Variants in BICC1 observed in about 807,000 individuals in gnomAD.
The protein encoded by BICC1 is BicC family RNA binding protein 1.
In BICC1, 43 loss-of-function variants were observed where a neutral mutation model predicts 111.0. The observed-to-expected ratio is 0.39, with a 90% CI of 0.30 to 0.50. The LOEUF is 0.50. Among genes scored for constraint, BICC1 ranks in the 20% least tolerant of loss-of-function variants. The probability of loss-of-function intolerance (pLI) is 0.88; values close to 1 mark genes in which losing one functional copy is unlikely to be tolerated. For missense variants in BICC1, 1,091 were observed against 1,203.2 expected (o/e 0.91, Z 1.38); for synonymous variants, 467 against 434.4 (o/e 1.07, Z -0.93).
intron 20 of BICC1, among the ~76,000 whole-genome samples, chr10:58,826,384 C>T (rs1053165071): frequency 6.6e-6 from 1 of 152,084 alleles, no homozygotes; most frequent in East Asian, 1.9e-4. Flanking sequence ...AGACTATACA[C>T]CTGAACAGGT....
intron 2 of BICC1, among the ~76,000 whole-genome samples, chr10:58,647,286 C>G (rs1200398174): frequency 2.6e-5 from 4 of 152,092 alleles, no homozygotes; most frequent in Non-Finnish European, 4.4e-5. Context: ...CCTATAGTAA[C>G]TATTGAAAAC....
intron 3 of BICC1, among the ~76,000 whole-genome samples, chr10:58,768,692 C>CA (rs77007848): frequency 1.3e-5 from 2 of 151,118 alleles, no homozygotes; most frequent in African/African-American, 2.4e-5. Context: ...ATCATAACAT[C>CA]AAAAAAAATG....
At chr10:58,561,962 G>A (rs751075872) in intron 1 of BICC1, among the ~76,000 whole-genome samples, 8 of 152,006 alleles carry the variant, frequency 5.3e-5, no homozygotes, top group Non-Finnish European at 1.2e-4. Context: ...CTTTTTGCTG[G>A]TAGCATTTCT....
chr10:58,760,704 C>T (rs1333065819), intron 3 of BICC1, among the ~76,000 whole-genome samples: 1 of 151,984 alleles, frequency 6.6e-6, no homozygotes, highest in African/African-American at 2.4e-5. Context: ...GATGTCATAA[C>T]CATTCAAAGG....
rs56310772 is a variant in BICC1 at position 58,816,745 on chromosome 10, CTGTGTGTGTGTG to C, written c.2534-778_2534-767del. ...CTGCACTCTGCTGAAATCTCCAAGG[CTGTGTGTGTGTG>C]TGTGTGTGTGTGTGTGTGTGTGTGT... On this transcript the variant is annotated intron_variant, in intron 18 of 20. Coordinates refer to ENST00000373886, the MANE Select transcript of BICC1 (RefSeq NM_001080512.3). Among the ~76,000 whole-genome samples the C allele has an allele frequency of 2.2e-3, 269 of 122,162 alleles. 1 individual carries two copies. The highest frequency in any genetic ancestry group is 6.0e-3 in the African/African-American group (192 of 31,846). The allele number at this position is 122,162 out of a possible 152,430, so 80.1% of individuals were successfully genotyped here.
At chr10:58,623,572 G>A (rs1295718668) in intron 2 of BICC1, among the ~76,000 whole-genome samples, 4 of 152,144 alleles carry the variant, frequency 2.6e-5, no homozygotes, top group Non-Finnish European at 4.4e-5. Context: ...AGAGTCATTC[G>A]TTGTCCTCTT....
Position 58,786,865 on chromosome 10 carries a change from T to C in BICC1, c.388-58T>C, listed in dbSNP as rs921169336. ...ACCATTCCCTTGAGGGAAAGACATT[T>C]AGGAGGTCATTCTTTCCTTTTGCAT... On this transcript the variant is annotated intron_variant, in intron 4 of 20. Coordinates refer to ENST00000373886, the MANE Select transcript of BICC1 (RefSeq NM_001080512.3). The C allele has an allele frequency of 7.5e-6, 10 of 1,327,712 alleles. No individual in the cohort carries two copies. The African/African-American group carries it at 7.6e-5, about 10-fold the overall frequency. 82.2% of individuals were successfully genotyped at this position (1,327,712 alleles called of 1,614,324 possible). A position where few individuals can be genotyped will look rare whatever the true frequency, so the allele number is the denominator to read the frequency against.
intron 20 of BICC1, among the ~76,000 whole-genome samples, chr10:58,822,914 T>C (rs1844294407): frequency 2.0e-5 from 3 of 152,154 alleles, no homozygotes; most frequent in Admixed American, 2.0e-4. Context: ...TTTTGTAGAT[T>C]TTAAACTTAT....
intron 1 of BICC1, among the ~76,000 whole-genome samples, chr10:58,531,909 A>G (rs1380578024): frequency 2.6e-5 from 4 of 151,874 alleles, no homozygotes; most frequent in Admixed American, 6.6e-5. Context: ...GGAAAAATGA[A>G]GAAAGCCTAA....
intron 1 of BICC1, among the ~76,000 whole-genome samples, chr10:58,540,447 G>GC (rs1209997016): frequency 6.6e-6 from 1 of 151,862 alleles, no homozygotes; most frequent in Non-Finnish European, 1.5e-5. Flanking sequence ...TACAACTGAT[G>GC]CCACAGAAAT....
intron 18 of BICC1, among the ~76,000 whole-genome samples, 192 bp from the exon 19 acceptor site, chr10:58,817,370 C>T (rs751971513): frequency 7.9e-5 from 12 of 152,122 alleles, no homozygotes; most frequent in Admixed American, 3.3e-4. Flanking sequence ...TCAAGAGCCT[C>T]CCTGAAAGCA....
At chr10:58,760,229 CAA>C (rs1025848952) in intron 3 of BICC1, among the ~76,000 whole-genome samples, 1 of 152,134 alleles carries the variant, frequency 6.6e-6, no homozygotes, top group Non-Finnish European at 1.5e-5. Context: ...CTTATTCCAT[CAA>C]GTGTGTTAAA....
chr10:58,690,579 C>G (rs1839880868), intron 2 of BICC1, among the ~76,000 whole-genome samples: 1 of 152,204 alleles, frequency 6.6e-6, no homozygotes, highest in Non-Finnish European at 1.5e-5. Context: ...TACATACCTC[C>G]TTTCAATATT....
chr10:58,537,271 A>G (rs753333406), intron 1 of BICC1, among the ~76,000 whole-genome samples: 1 of 151,768 alleles, frequency 6.6e-6, no homozygotes, highest in Non-Finnish European at 1.5e-5. Flanking sequence ...AAAATAAGAA[A>G]ACTACAGACC....
intron 2 of BICC1, among the ~76,000 whole-genome samples, chr10:58,630,426 TTTTTG>T (rs1480210221): frequency 6.6e-6 from 1 of 151,990 alleles, no homozygotes; most frequent in Non-Finnish European, 1.5e-5. Context: ...TCTTTTCCTG[TTTTTG>T]TTTTGTTTTG....
chr10:58,788,793 A>C (rs2132807853), intron 6 of BICC1, among the ~76,000 whole-genome samples: 1 of 152,346 alleles, frequency 6.6e-6, no homozygotes, highest in East Asian at 1.9e-4. Flanking sequence ...CATCATTTAA[A>C]AACACTTGTA....
At chr10:58,638,371 G>A (rs1399028152) in intron 2 of BICC1, among the ~76,000 whole-genome samples, 4 of 152,114 alleles carry the variant, frequency 2.6e-5, no homozygotes, top group Non-Finnish European at 5.9e-5. Context: ...TAGGAAATGT[G>A]GGGATAAGTG....
intron 1 of BICC1, among the ~76,000 whole-genome samples, chr10:58,620,440 A>G (rs1026469207): frequency 3.3e-5 from 5 of 152,210 alleles, no homozygotes; most frequent in Non-Finnish European, 7.3e-5. Flanking sequence ...TAAAGCATAA[A>G]ATGGAAACAG....
At chr10:58,527,625 T>C (rs1490113412) in intron 1 of BICC1, among the ~76,000 whole-genome samples, 1 of 152,124 alleles carries the variant, frequency 6.6e-6, no homozygotes, top group Non-Finnish European at 1.5e-5. Flanking sequence ...GGATCCGGTT[T>C]CAGCTTTCTA....
Sources: gnomAD v4.1 joint callset for allele counts (sites outside exome capture counted in the v4.1 genomes callset) on GRCh38, gnomAD v4.1.1 for gene constraint, MANE v1.5 for transcripts, NCBI Gene and HGNC (gene_info 2026-07-23, HGNC 2026-07-21) for gene names.